PRORP: variants seen among roughly 807,000 people sequenced by gnomAD.
PRORP encodes protein only RNase P catalytic subunit, also known as mitochondrial ribonuclease P catalytic subunit.
Under a neutral mutation model 59.4 loss-of-function variants are expected in PRORP, and 51 were observed. That is an observed-to-expected ratio of 0.86 (90% CI 0.69 to 1.08). PRORP has a LOEUF of 1.08. Among genes scored for constraint, PRORP ranks in the 50% least tolerant of loss-of-function variants. The pLI is 0.00. For synonymous variants in PRORP, 231 were observed against 245.6 expected (o/e 0.94, Z 0.55); for missense variants, 646 against 690.3 (o/e 0.94, Z 0.72).
intron 6 of PRORP, among the ~76,000 whole-genome samples, chr14:35,269,635 CT>C (rs1354876555): frequency 6.6e-6 from 1 of 152,052 alleles, no homozygotes; most frequent in Non-Finnish European, 1.5e-5. Context: ...TACATTTTTT[CT>C]TTTTCTTTTT....
At chr14:35,264,578 G>T (rs1390953280) in intron 5 of PRORP, among the ~76,000 whole-genome samples, 1 of 152,046 alleles carries the variant, frequency 6.6e-6, no homozygotes, top group Non-Finnish European at 1.5e-5. Context: ...CTTAATTATA[G>T]AACTAATAAT....
chr14:35,256,321 C>T (rs1226584231), intron 5 of PRORP, among the ~76,000 whole-genome samples: 1 of 116,374 alleles, frequency 8.6e-6, no homozygotes, highest in African/African-American at 3.5e-5. Context: ...AGAAATTGTG[C>T]GTATCTTTTT....
chr14:35,234,835 T>C (rs952100322), intron 5 of PRORP, among the ~76,000 whole-genome samples: 1 of 151,856 alleles, frequency 6.6e-6, no homozygotes, highest in African/African-American at 2.4e-5. Context: ...CACACCACCA[T>C]GCCCAACTAA....
At chr14:35,139,426 C>G (rs1284475253) in intron 4 of PRORP, among the ~76,000 whole-genome samples, 2 of 145,366 alleles carry the variant, frequency 1.4e-5, no homozygotes, top group Non-Finnish European at 3.1e-5. Context: ...TTTCCTCATG[C>G]CATTTTGTAA....
At chr14:35,219,447 A>G (rs1270497018) in intron 5 of PRORP, among the ~76,000 whole-genome samples, 6 of 152,222 alleles carry the variant, frequency 3.9e-5, no homozygotes, top group Non-Finnish European at 5.9e-5. Context: ...CATTTTTTCT[A>G]CAAAGGGACA....
intron 5 of PRORP, among the ~76,000 whole-genome samples, chr14:35,253,072 G>A (rs776582584): frequency 3.3e-5 from 5 of 152,180 alleles, no homozygotes; most frequent in Non-Finnish European, 5.9e-5. Flanking sequence ...AGTGGCTCAT[G>A]CCTGTAATCC....
chr14:35,270,591 T>C lies in PRORP; in HGVS notation c.1615T>C (p.Phe539Leu). The C allele has an allele frequency of 2.5e-6, 4 of 1,613,478 alleles. No homozygotes were observed. Among genetic ancestry groups the C allele is most frequent in the Non-Finnish European group, 3.4e-6 (4 of 1,179,394 alleles). ...TAGGTTTCCAGGATCAAAACTAACC[T>C]TTCAGGTAATGGTACCTGTTCTTTA... ...VNRFPGSKLTFQRILSYDTVV... is the reference protein window; with the variant it reads ...VNRFPGSKLTLQRILSYDTVV... The change falls in exon 7 of 8, where the codon TTT (phenylalanine) becomes CTT (leucine). Residue 539 changes from phenylalanine to leucine, a missense_variant. By Grantham distance (22) the Phe-to-Leu change is conservative (BLOSUM62 0). Transcript: ENST00000534898.
chr14:35,151,639 T>TACACACACACACACAC (rs55940352), intron 4 of PRORP, among the ~76,000 whole-genome samples: 10 of 141,726 alleles, frequency 7.1e-5, no homozygotes, highest in African/African-American at 2.6e-4. Context: ...CACACACACA[T>TACACACACACACACAC]ACACACACAC....
chr14:35,218,878 C>T (rs945527323), intron 5 of PRORP: 6 of 152,006 alleles, frequency 3.9e-5, no homozygotes, highest in South Asian at 2.1e-4. Flanking sequence ...TCTATGTGGA[C>T]GTCATGATGC....
At chr14:35,256,869 C>CTTTT (rs71121272) in intron 5 of PRORP, among the ~76,000 whole-genome samples, 6 of 136,896 alleles carry the variant, frequency 4.4e-5, no homozygotes, top group Non-Finnish European at 6.5e-5. Context: ...TGATAAAATC[C>CTTTT]TTTTTTTTTT....
chr14:35,265,944 G>A (rs998722314), intron 5 of PRORP, among the ~76,000 whole-genome samples: 1 of 151,066 alleles, frequency 6.6e-6, no homozygotes, highest in Non-Finnish European at 1.5e-5. Context: ...GGGACGCCAA[G>A]GCAGGAGAAT....
intron 5 of PRORP, among the ~76,000 whole-genome samples, chr14:35,203,294 T>C (rs141432346): frequency 5.3e-5 from 8 of 152,292 alleles, no homozygotes; most frequent in Middle Eastern, 3.4e-3. Flanking sequence ...TTTTATTTAA[T>C]TGCAATGATC....
intron 4 of PRORP, among the ~76,000 whole-genome samples, chr14:35,145,308 T>A (rs536649197): frequency 6.9e-6 from 1 of 145,074 alleles, no homozygotes; most frequent in Admixed American, 7.2e-5. Context: ...TTAATCATTT[T>A]CTTTTACTTT....
Position 35,270,104 on chromosome 14 carries a change from A to G in PRORP, c.1425-297A>G, listed in dbSNP as rs571762693. On this transcript the variant is annotated intron_variant, in intron 6 of 7. Transcript: ENST00000534898. ...CAAATAGGAAAAATGCCCAAAGAGAAGCAACTTTTAAGTGTGAAGAGAGCA... is the reference window on the plus strand; with the variant it reads ...CAAATAGGAAAAATGCCCAAAGAGAGGCAACTTTTAAGTGTGAAGAGAGCA... Among the ~76,000 whole-genome samples the G allele has an allele frequency of 3.9e-5, 6 of 152,314 alleles. No homozygotes were observed. In the South Asian group the frequency reaches 1.0e-3, roughly 26 times the overall value.
Position 35,130,266 on chromosome 14 carries a change from TCA to T in PRORP, c.1167+2656_1167+2657del, listed in dbSNP as rs546197238. 1.9e-3 allele frequency among the ~76,000 whole-genome samples: 289 copies of T among 152,220 alleles called. 1 individual carries two copies. Among genetic ancestry groups the T allele is most frequent in the African/African-American group, 6.5e-3 (271 of 41,522 alleles). ...CCAGGATGGTCTTGATCTCCTGACC[TCA>T]TGATTTGCCCGCCTCGGCCTCCCAA... On this transcript the variant is annotated intron_variant, in intron 4 of 7. Coordinates refer to ENST00000534898, the MANE Select transcript of PRORP (RefSeq NM_014672.4).
chr14:35,237,283 A>G (rs192540766), intron 5 of PRORP, among the ~76,000 whole-genome samples: 63 of 151,884 alleles, frequency 4.1e-4, no homozygotes, highest in African/African-American at 1.5e-3. Flanking sequence ...CGTAGAGACA[A>G]AGTCTCCCTA....
intron 4 of PRORP, among the ~76,000 whole-genome samples, chr14:35,153,832 C>G (rs1442110034): frequency 6.6e-6 from 1 of 152,128 alleles, no homozygotes; most frequent in Non-Finnish European, 1.5e-5. Flanking sequence ...TATTTGTGTT[C>G]TTAGAGAAAT....
intron 5 of PRORP, among the ~76,000 whole-genome samples, chr14:35,189,023 A>G (rs920680248): frequency 6.6e-6 from 1 of 151,294 alleles, no homozygotes; most frequent in African/African-American, 2.4e-5. Context: ...AGAGTTTTAT[A>G]GTTTTAGTTC....
chr14:35,205,474 G>A (rs958240168), intron 5 of PRORP, among the ~76,000 whole-genome samples: 1 of 152,098 alleles, frequency 6.6e-6, no homozygotes, highest in Admixed American at 6.5e-5. Flanking sequence ...ACAGGCGTGA[G>A]GCACCATGCC....
Sources: allele counts gnomAD v4.1 joint callset (sites outside exome capture counted in the v4.1 genomes callset), GRCh38; gene constraint gnomAD v4.1.1; transcripts MANE v1.5; gene names NCBI Gene and HGNC (gene_info 2026-07-23, HGNC 2026-07-21).